PAFAH1B3: variants seen among roughly 807,000 people sequenced by gnomAD.
PAFAH1B3 encodes the protein platelet-activating factor acetylhydrolase IB subunit alpha1.
Under a neutral mutation model 24.4 loss-of-function variants are expected in PAFAH1B3, and 15 were observed. The observed-to-expected ratio is 0.62, with a 90% CI of 0.41 to 0.95. The LOEUF is 0.95. PAFAH1B3 is among the 40% of genes least tolerant of loss of function. The pLI is 0.00. For missense variants in PAFAH1B3, 266 were observed against 312.2 expected, an observed-to-expected ratio of 0.85 and a Z score of 1.12; for synonymous variants, 144 against 126.5, an observed-to-expected ratio of 1.14 and a Z score of -0.93.
At chr19:42,297,432 G>T in intron 4 of PAFAH1B3, 67 bp from the exon 5 acceptor site, 2 of 1,225,988 alleles carry the variant, frequency 1.6e-6, no homozygotes, top group South Asian at 1.3e-5. Flanking sequence ...GTGCCAACCT[G>T]TCCTCCACCC....
chr19:42,297,572 TTTC>T (rs1463800200), intron 4 of PAFAH1B3, among the ~76,000 whole-genome samples: 15 of 151,256 alleles, frequency 9.9e-5, no homozygotes, highest in African/African-American at 3.4e-4. Context: ...CCTCTTTCGT[TTTC>T]TTTTTTTTTT....
intron 2 of PAFAH1B3, among the ~76,000 whole-genome samples, chr19:42,300,920 T>C (rs547530246): frequency 1.3e-5 from 2 of 152,356 alleles, no homozygotes; most frequent in South Asian, 4.1e-4. Flanking sequence ...GTTCTGGCGA[T>C]TCTCCTGCCT....
chr19:42,300,281 G>C lies in PAFAH1B3; in HGVS notation c.175C>G (p.Arg59Gly), dbSNP rs549905897. Residue 59 changes from arginine (R) to glycine (G), a missense_variant, in exon 3 of 5, where the codon CGC (arginine) becomes GGC (glycine). Arg to Gly is a moderately radical substitution (Grantham distance 125). Transcript: ENST00000262890. ...VQLMHQCEIW[R>G]ELFSPLHALN... ...GCATGCAGAGGAGAGAAGAGCTCGC[G>C]CCAGATCTGTGGGCAAGAAGTGGTG... is the stretch of plus-strand genomic sequence containing the variant. The C allele has an allele frequency of 3.1e-6, 5 of 1,613,912 alleles. No individual in the cohort carries two copies. Among genetic ancestry groups the C allele is most frequent in the Non-Finnish European group, 3.4e-6 (4 of 1,179,912 alleles).
chr19:42,300,329 C>T, intron 2 of PAFAH1B3, 42 bp from the exon 3 acceptor site: 2 of 1,522,728 alleles, frequency 1.3e-6, no homozygotes, highest in Non-Finnish European at 1.8e-6. Context: ...GGTAGGGGCA[C>T]AAGGGCACTG....
chr19:42,302,489 G>A lies in PAFAH1B3; in HGVS notation c.-180C>T, dbSNP rs538858575. On this transcript the variant is annotated 5_prime_UTR_variant, in exon 1 of 5. Transcript: ENST00000262890. ...CGCCGCCTCCTCTCCAGGGACGGAA[G>A]CCTTCACTTAGGAGGTAGGTGGAAT... 22 of 587,630 alleles carry A rather than the reference G, an allele frequency of 3.7e-5. No individual in the cohort carries two copies. Among genetic ancestry groups the A allele is most frequent in the African/African-American group, 3.7e-4 (20 of 53,542 alleles). The allele number at this position is 587,630 out of a possible 1,614,324, so 36.4% of individuals were successfully genotyped here. A position where few individuals can be genotyped will look rare whatever the true frequency, so the allele number is the denominator to read the frequency against.
chr19:42,300,506 ATATTTTTGAGACAGAGTTATTT>A lies in PAFAH1B3; in HGVS notation c.169-241_169-220del, dbSNP rs1415979188. On this transcript the variant is annotated intron_variant, in intron 2 of 4. Transcript: ENST00000262890. ...TCTCTCACTTATTTTATTTTATTTT[ATATTTTTGAGACAGAGTTATTT>A]TATTTTTGAGACAGAGTCTCACTCT... Among the ~76,000 whole-genome samples, 5 of 152,044 alleles carry A rather than the reference ATATTTTTGAGACAGAGTTATTT, an allele frequency of 3.3e-5. No homozygotes were observed. The South Asian group carries it at 1.0e-3, about 31-fold the overall frequency.
chr19:42,299,286 T>C (rs1344474430), intron 4 of PAFAH1B3, among the ~76,000 whole-genome samples: 1 of 151,928 alleles, frequency 6.6e-6, no homozygotes, highest in African/African-American at 2.4e-5. Context: ...CCAGCTAATT[T>C]TGTATTTTTA....
In PAFAH1B3 at chr19:42,302,593, C is replaced by T. The variant is rs2038655273; in HGVS notation, c.-284G>A. 2 of 412,474 alleles carry T rather than the reference C, an allele frequency of 4.8e-6. No homozygotes were observed. The highest frequency in any genetic ancestry group is 4.2e-5 in the Admixed American group (1 of 23,676). 25.6% of individuals were successfully genotyped at this position (412,474 alleles called of 1,614,324 possible). ...CCCGCTCGGGCCGCTGACTCCCAGG[C>T]CGCGCACCCGGCACGGGGTGGGGGG... On this transcript the variant is annotated 5_prime_UTR_variant, in exon 1 of 5. Coordinates refer to ENST00000262890, the MANE Select transcript of PAFAH1B3 (RefSeq NM_002573.4).
chr19:42,299,920 G>C, intron 4 of PAFAH1B3, 50 bp downstream of exon 4: 1 of 1,609,554 alleles, frequency 6.2e-7, no homozygotes, highest in East Asian at 2.2e-5. Flanking sequence ...ATATCTGAGG[G>C]GGTCCCAGAC....
chr19:42,300,716 A>T (rs1182393580), intron 2 of PAFAH1B3, among the ~76,000 whole-genome samples: 1 of 152,134 alleles, frequency 6.6e-6, no homozygotes, highest in African/African-American at 2.4e-5. Flanking sequence ...ATGGGGTTTC[A>T]CCATGTGGGC....
In PAFAH1B3 at chr19:42,297,172, T is replaced by C; in HGVS notation, c.602A>G (p.Tyr201Cys). The change falls in exon 5 of 5, where the codon TAC becomes TGC. Residue 201 changes from tyrosine to cysteine, a missense_variant. Tyr to Cys is a radical substitution (Grantham distance 194). Coordinates refer to ENST00000262890, the MANE Select transcript of PAFAH1B3 (RefSeq NM_002573.4). Reference protein sequence around the residue: ...YDYLHLSRLGYTPVCRALHSL... With the variant: ...YDYLHLSRLGCTPVCRALHSL... ...GTGCAGAGCCCGGCAAACAGGTGTG[T>C]AGCCCAGGCGGCTCAGATGCAGGTA... 1 of 1,614,094 alleles carries C rather than the reference T, an allele frequency of 6.2e-7. No individual in the cohort carries two copies. Among genetic ancestry groups the C allele is most frequent in the Non-Finnish European group, 8.5e-7 (1 of 1,180,000 alleles).
chr19:42,302,142 T>A, intron 1 of PAFAH1B3, 90 bp downstream of exon 1: 1 of 1,491,832 alleles, frequency 6.7e-7, no homozygotes, highest in Non-Finnish European at 9.1e-7. Context: ...AGTTTCCCAA[T>A]CAGGTAGTGA....
chr19:42,299,429 A>AT (rs891377672), intron 4 of PAFAH1B3, among the ~76,000 whole-genome samples: 72 of 110,236 alleles, frequency 6.5e-4, no homozygotes, highest in East Asian at 2.1e-3. Context: ...TGCCCAACTA[A>AT]TTTTTTTTTT....
rs572646376 is a variant in PAFAH1B3 at position 42,297,418 on chromosome 19, C to G, written c.409-53G>C. ...GAAACAAGCATTTGAGTATCTTGTT[C>G]TCTGTGCCAACCTGTCCTCCACCCA... On this transcript the variant is annotated intron_variant, in intron 4 of 4. Transcript: ENST00000262890. 5 of 1,357,858 alleles carry G rather than the reference C, an allele frequency of 3.7e-6. No homozygotes were observed. The African/African-American group carries it at 7.4e-5, about 20-fold the overall frequency. The allele number at this position is 1,357,858 out of a possible 1,614,324, so 84.1% of individuals were successfully genotyped here. A position where few individuals can be genotyped will look rare whatever the true frequency, so the allele number is the denominator to read the frequency against.
chr19:42,297,774 C>T (rs968965694), intron 4 of PAFAH1B3, among the ~76,000 whole-genome samples: 14 of 152,036 alleles, frequency 9.2e-5, no homozygotes, highest in East Asian at 2.0e-4. Flanking sequence ...GGGGTTTCAC[C>T]GTGTTAGCCA....
Position 42,297,334 on chromosome 19 carries a change from G to A in PAFAH1B3, c.440C>T (p.Pro147Leu), listed in dbSNP as rs370064398. ...CACCTGTCGGTTCTTCTCCCGAAGTGGGTTGGGATGTTGGCCTCGCGGAAG... is the reference window on the plus strand; with the variant it reads ...CACCTGTCGGTTCTTCTCCCGAAGTAGGTTGGGATGTTGGCCTCGCGGAAG... ...GLLPRGQHPNPLREKNRQVNE... is the reference protein window; with the variant it reads ...GLLPRGQHPNLLREKNRQVNE... The change falls in exon 5 of 5, where the codon CCA (proline) becomes CTA (leucine). Residue 147 changes from proline to leucine, a missense_variant. Pro to Leu is a moderately conservative substitution (Grantham distance 98). Transcript: ENST00000262890. 6.2e-7 allele frequency: 1 copy of A among 1,610,422 alleles called. No individual in the cohort carries two copies. The highest frequency in any genetic ancestry group is 8.5e-7 in the Non-Finnish European group (1 of 1,176,872).
intron 2 of PAFAH1B3, 103 bp downstream of exon 2, chr19:42,301,847 A>G: frequency 2.2e-6 from 2 of 900,842 alleles, no homozygotes; most frequent in East Asian, 2.7e-5. Flanking sequence ...CCTGAGGCCA[A>G]TCTGGGTACT....
chr19:42,297,482 G>C, intron 4 of PAFAH1B3, 117 bp from the exon 5 acceptor site: 1 of 681,682 alleles, frequency 1.5e-6, no homozygotes, highest in Non-Finnish European at 2.5e-6. Context: ...CACTAGGGAT[G>C]GGCAAGTGGG....
In PAFAH1B3 at chr19:42,302,350, G is replaced by A. The variant is rs758081581; in HGVS notation, c.-41C>T. ...CCTGCAGGATGAGCGAGTCGGGTCG[G>A]CCCGGGAGTGTTCCGAACGGAGCTG... is the stretch of plus-strand genomic sequence containing the variant. On this transcript the variant is annotated 5_prime_UTR_variant, in exon 1 of 5. Coordinates refer to ENST00000262890, the MANE Select transcript of PAFAH1B3 (RefSeq NM_002573.4). The A allele has an allele frequency of 7.1e-6, 11 of 1,540,178 alleles. No homozygotes were observed. The East Asian group carries it at 1.2e-4, about 17-fold the overall frequency.
Sources: gnomAD v4.1 joint callset for allele counts (sites outside exome capture counted in the v4.1 genomes callset) on GRCh38, gnomAD v4.1.1 for gene constraint, MANE v1.5 for transcripts, NCBI Gene and HGNC (gene_info 2026-07-23, HGNC 2026-07-21) for gene names.